Variants in ADAM9 observed in about 807,000 individuals in gnomAD.
The protein encoded by ADAM9 is ADAM metallopeptidase domain 9.
In ADAM9, 54 loss-of-function variants were observed where a neutral mutation model predicts 108.1. The ratio of observed to expected loss-of-function variants is 0.50; its 90% CI spans 0.40 to 0.63. The LOEUF is 0.63. ADAM9 is among the 20% of genes least tolerant of loss of function. The pLI is 0.00. For synonymous variants in ADAM9, 316 were observed against 336.0 expected, an observed-to-expected ratio of 0.94 and a Z score of 0.65; for missense variants, 830 against 997.7, an observed-to-expected ratio of 0.83 and a Z score of 2.26.
At chr8:39,003,490 A>AG (rs1836067203) in intron 1 of ADAM9, among the ~76,000 whole-genome samples, 1 of 151,638 alleles carries the variant, frequency 6.6e-6, no homozygotes, top group Non-Finnish European at 1.5e-5. Context: ...GAATTTAAAA[A>AG]AAAAAAAAAC....
chr8:39,045,465 T>A, intron 12 of ADAM9, among the ~76,000 whole-genome samples: 1 of 143,710 alleles, frequency 7.0e-6, no homozygotes, highest in Admixed American at 6.8e-5. Flanking sequence ...TATATGTGCG[T>A]GTGTGTACAC....
At chr8:39,002,405 A>G (rs1836026381) in intron 1 of ADAM9, among the ~76,000 whole-genome samples, 1 of 127,362 alleles carries the variant, frequency 7.9e-6, no homozygotes, top group Non-Finnish European at 1.6e-5. Context: ...TGCAACCTCC[A>G]CCTCCCAGGT....
intron 7 of ADAM9, among the ~76,000 whole-genome samples, chr8:39,020,653 T>C (rs540248149): frequency 6.6e-6 from 1 of 152,260 alleles, no homozygotes; most frequent in East Asian, 1.9e-4. Context: ...AACTAGTGAT[T>C]ATTGGTTAAT....
intron 4 of ADAM9, chr8:39,015,412 T>C (rs1400843632): frequency 1.3e-5 from 2 of 152,200 alleles, no homozygotes; most frequent in Admixed American, 6.5e-5. Context: ...TATTATCTTA[T>C]ATAATACTTA....
rs536324644 is a variant in ADAM9, at chr8:39,021,861, G to A, written c.744+147G>A. 5 of 741,098 alleles carry A rather than the reference G, an allele frequency of 6.7e-6. No homozygotes were observed. In the East Asian group the frequency reaches 1.1e-4, roughly 16 times the overall value. 45.9% of individuals were successfully genotyped at this position (741,098 alleles called of 1,614,324 possible). A position where few individuals can be genotyped will look rare whatever the true frequency, so the allele number is the denominator to read the frequency against. ...AGAGGTCTGCTTTCTGGTTTGTTTT[G>A]TAACTCTTTTTAATGTTTAAAGGAA... On this transcript the variant is annotated intron_variant, in intron 8 of 21. Transcript: ENST00000487273.
intron 1 of ADAM9, among the ~76,000 whole-genome samples, chr8:38,997,513 C>CT (rs2129430341): frequency 6.6e-6 from 1 of 152,320 alleles, no homozygotes; most frequent in African/African-American, 2.4e-5. Flanking sequence ...GGCCGGAGCC[C>CT]TGCAGGCTGG....
intron 7 of ADAM9, 60 bp downstream of exon 7, chr8:39,018,978 A>G: frequency 7.1e-7 from 1 of 1,413,808 alleles, no homozygotes; most frequent in Non-Finnish European, 1.0e-6. Context: ...GTGAGCATTT[A>G]ATGAAGGAAA....
At position 39,103,572 on chromosome 8, in the gene ADAM9, A is replaced by G. The variant is rs768608269; in HGVS notation, c.2367-35A>G. 2.5e-6 allele frequency: 4 copies of G among 1,588,398 alleles called. No individual in the cohort carries two copies. The South Asian group carries it at 4.4e-5, about 18-fold the overall frequency. On this transcript the variant is annotated intron_variant, in intron 21 of 21. Transcript: ENST00000487273. ...AATATGGCATTATTTCACCCAGTCT[A>G]AACACTCTATTAACTATCTCTTTTC...
At chr8:39,083,829 C>G (rs1053915388) in intron 18 of ADAM9, among the ~76,000 whole-genome samples, 4 of 152,060 alleles carry the variant, frequency 2.6e-5, no homozygotes, top group African/African-American at 9.7e-5. Flanking sequence ...TGCTTTTTTT[C>G]TCTTGGGTAA....
intron 1 of ADAM9, among the ~76,000 whole-genome samples, chr8:39,002,033 TA>T (rs35778686): frequency 0.046 from 5,033 of 108,578 alleles, 126 homozygotes; most frequent in Admixed American, 0.1. Flanking sequence ...CTAGAATGAT[TA>T]AAAAAAAAAA....
intron 7 of ADAM9, 108 bp from the exon 8 acceptor site, chr8:39,021,535 G>T (rs1044575277): frequency 3.2e-6 from 3 of 944,762 alleles, no homozygotes; most frequent in East Asian, 2.5e-5. Flanking sequence ...CTACCCGCCT[G>T]GGCCTCTCAA....
intron 16 of ADAM9, among the ~76,000 whole-genome samples, chr8:39,081,246 G>T (rs1229859933): frequency 6.6e-6 from 1 of 151,468 alleles, no homozygotes; most frequent in African/African-American, 2.4e-5. Flanking sequence ...ACTGCACCCG[G>T]TCCCCACTGT....
At chr8:39,071,800 G>A (rs1838705034) in intron 15 of ADAM9, among the ~76,000 whole-genome samples, 7 of 152,116 alleles carry the variant, frequency 4.6e-5, no homozygotes, top group Admixed American at 3.9e-4. Flanking sequence ...CTCTGTGACC[G>A]CTGATTTTCT....
intron 11 of ADAM9, among the ~76,000 whole-genome samples, chr8:39,033,703 A>G (rs1380624603): frequency 6.6e-6 from 1 of 152,204 alleles, no homozygotes; most frequent in African/African-American, 2.4e-5. Flanking sequence ...TGTCAATGAA[A>G]TTAATACGTC....
At chr8:39,040,228 T>C (rs1338490334) in intron 11 of ADAM9, among the ~76,000 whole-genome samples, 1 of 152,110 alleles carries the variant, frequency 6.6e-6, no homozygotes, top group Non-Finnish European at 1.5e-5. Flanking sequence ...TTTTGTATTT[T>C]AGTAGAGACG....
chr8:39,026,815 G>A lies in ADAM9; in HGVS notation c.1130+5G>A. ...CATCATGAATTCAGGAGCATCGTGA[G>A]TACCTGGGTTCTTCTTCTCCTTTAT... On this transcript the variant is annotated splice_donor_5th_base_variant and intron_variant, in intron 11 of 21. Coordinates refer to ENST00000487273, the MANE Select transcript of ADAM9 (RefSeq NM_003816.3). The A allele has an allele frequency of 1.3e-6, 2 of 1,515,990 alleles. No individual in the cohort carries two copies. The highest frequency in any genetic ancestry group is 1.8e-6 in the Non-Finnish European group (2 of 1,140,254). The allele number at this position is 1,515,990 out of a possible 1,614,324, so 93.9% of individuals were successfully genotyped here.
At chr8:39,023,567 G>C (rs1836817631) in intron 9 of ADAM9, among the ~76,000 whole-genome samples, 1 of 151,850 alleles carries the variant, frequency 6.6e-6, no homozygotes, top group Admixed American at 6.6e-5. Flanking sequence ...CTTTGTACTA[G>C]TTTTTTGTGA....
At position 39,041,810 on chromosome 8, in the gene ADAM9, C is replaced by T. The variant is rs1837462855; in HGVS notation, c.1131-136C>T. 5.4e-6 allele frequency: 4 copies of T among 740,274 alleles called. No individual in the cohort carries two copies. The East Asian group carries it at 1.1e-4, about 20-fold the overall frequency. 45.9% of individuals were successfully genotyped at this position (740,274 alleles called of 1,614,324 possible). A position where few individuals can be genotyped will look rare whatever the true frequency, so the allele number is the denominator to read the frequency against. The stretch of plus-strand genomic sequence containing the variant: ...TATTTATCACAAGTAGATATGAATT[C>T]TCATTTCTGTCCACTTTTATTAGCT... On this transcript the variant is annotated intron_variant, in intron 11 of 21. Transcript: ENST00000487273.
At chr8:39,069,353 T>A (rs1323395912) in intron 14 of ADAM9, among the ~76,000 whole-genome samples, 1 of 152,216 alleles carries the variant, frequency 6.6e-6, no homozygotes, top group Non-Finnish European at 1.5e-5. Flanking sequence ...ATTTTAAAGA[T>A]AAGTCAATTC....
Sources: allele counts gnomAD v4.1 joint callset (sites outside exome capture counted in the v4.1 genomes callset), GRCh38; gene constraint gnomAD v4.1.1; transcripts MANE v1.5; gene names NCBI Gene and HGNC (gene_info 2026-07-23, HGNC 2026-07-21).